Variants in CDADC1 observed in about 807,000 individuals in gnomAD.
CDADC1 encodes dCTP deaminase.
A neutral mutation model predicts 54.9 loss-of-function variants in CDADC1; 39 were observed. The observed-to-expected ratio is 0.71, with a 90% CI of 0.55 to 0.93. The LOEUF (loss-of-function observed/expected upper bound fraction) is 0.93, where lower values mean the gene tolerates loss of function less well. Among genes scored for constraint, CDADC1 ranks in the 40% least tolerant of loss-of-function variants. CDADC1 has a pLI of 0.00. For missense variants in CDADC1, 518 were observed against 618.8 expected (o/e 0.84, Z 1.73); for synonymous variants, 186 against 204.0 (o/e 0.91, Z 0.75).
chr13:49,272,000 T>G (rs887046500), intron 5 of CDADC1, among the ~76,000 whole-genome samples: 7 of 152,232 alleles, frequency 4.6e-5, no homozygotes, highest in African/African-American at 1.7e-4. Flanking sequence ...GTAAAGAATA[T>G]TCTCTTGATG....
chr13:49,275,635 T>A, intron 6 of CDADC1, among the ~76,000 whole-genome samples: 1 of 145,004 alleles, frequency 6.9e-6, no homozygotes, highest in African/African-American at 2.6e-5. Context: ...AGCACAGCAC[T>A]AACCAGTAGA....
intron 6 of CDADC1, among the ~76,000 whole-genome samples, chr13:49,277,592 TATC>T (rs1271379199): frequency 2.0e-5 from 3 of 152,300 alleles, no homozygotes; most frequent in South Asian, 2.1e-4. Flanking sequence ...CTGTTGATAT[TATC>T]ATGAGTAATT....
chr13:49,255,748 C>T, intron 2 of CDADC1, 91 bp from the exon 3 acceptor site: 1 of 1,521,810 alleles, frequency 6.6e-7, no homozygotes, highest in Non-Finnish European at 8.9e-7. Context: ...TGGTCAAAGC[C>T]AAGGAAGCCA....
intron 9 of CDADC1, among the ~76,000 whole-genome samples, chr13:49,291,289 T>A (rs573500291): frequency 6.6e-6 from 1 of 150,618 alleles, no homozygotes; most frequent in Non-Finnish European, 1.5e-5. Flanking sequence ...CACCTCAGGC[T>A]CCTGAGTAGC....
chr13:49,275,388 A>G (rs1234451790), intron 6 of CDADC1, among the ~76,000 whole-genome samples: 2 of 151,578 alleles, frequency 1.3e-5, no homozygotes, highest in East Asian at 3.9e-4. Context: ...GCCTGCCCTG[A>G]ATATTCTTAA....
At chr13:49,271,234 G>A (rs1364564959) in intron 5 of CDADC1, among the ~76,000 whole-genome samples, 3 of 95,366 alleles carry the variant, frequency 3.1e-5, no homozygotes, top group African/African-American at 4.0e-5. Flanking sequence ...TAGAATACCC[G>A]AAGGTAGCAA....
chr13:49,271,746 C>T (rs960196800), intron 5 of CDADC1, among the ~76,000 whole-genome samples: 1 of 152,066 alleles, frequency 6.6e-6, no homozygotes, highest in Non-Finnish European at 1.5e-5. Context: ...AAAAGTTCCC[C>T]TCTGATTTTC....
intron 6 of CDADC1, among the ~76,000 whole-genome samples, chr13:49,276,139 A>G (rs1474581719): frequency 1.3e-5 from 2 of 152,224 alleles, no homozygotes; most frequent in Non-Finnish European, 2.9e-5. Context: ...TCAATAAAAA[A>G]TTATTGATGA....
At chr13:49,273,268 T>C (rs1449992646) in intron 5 of CDADC1, among the ~76,000 whole-genome samples, 4 of 152,164 alleles carry the variant, frequency 2.6e-5, no homozygotes, top group Non-Finnish European at 5.9e-5. Flanking sequence ...TAGGAAATTG[T>C]AGGGTGAAAC....
rs138682308 is a variant in CDADC1 at position 49,280,509 on chromosome 13, G to T, written c.1221G>T (p.Arg407Ser). 1.8e-5 allele frequency: 25 copies of T among 1,383,174 alleles called. No individual in the cohort carries two copies. The highest frequency in any genetic ancestry group is 2.3e-5 in the Non-Finnish European group (24 of 1,051,622). The allele number at this position is 1,383,174 out of a possible 1,614,324, so 85.7% of individuals were successfully genotyped here. ...IHAEQNALTFRCQEIKPEERS... is the reference protein window; with the variant it reads ...IHAEQNALTFSCQEIKPEERS... ...TGATATTTTATAATTTTTTTTGTAG[G>T]TGTCAAGAAATAAAACCAGAAGAAA... Residue 407 changes from arginine (R) to serine (S), a missense_variant and splice_region_variant, in exon 8 of 10, where the codon AGG becomes AGT. Arg to Ser is a moderately radical substitution (Grantham distance 110). Coordinates refer to ENST00000251108, the MANE Select transcript of CDADC1 (RefSeq NM_030911.4).
chr13:49,259,577 G>C, intron 4 of CDADC1, 54 bp downstream of exon 4: 1 of 1,551,170 alleles, frequency 6.4e-7, no homozygotes, highest in Non-Finnish European at 8.8e-7. Context: ...TGGGATGGGC[G>C]TGGTGGTTTA....
At chr13:49,283,186 CAT>C (rs1259356005) in intron 8 of CDADC1, among the ~76,000 whole-genome samples, 1 of 25,906 alleles carries the variant, frequency 3.9e-5, no homozygotes, top group East Asian at 6.5e-4. Flanking sequence ...GGACATATAA[CAT>C]ATAATTATAT....
At chr13:49,284,786 C>T (rs1301925364) in intron 8 of CDADC1, among the ~76,000 whole-genome samples, 1 of 152,192 alleles carries the variant, frequency 6.6e-6, no homozygotes. Flanking sequence ...GTGATGTTAA[C>T]TAGTTAATCT....
chr13:49,281,707 C>T (rs375661878), intron 8 of CDADC1, among the ~76,000 whole-genome samples: 11 of 152,132 alleles, frequency 7.2e-5, no homozygotes, highest in African/African-American at 2.4e-4. Context: ...AAAGGTCACC[C>T]CCACCCCCAA....
At position 49,255,904 on chromosome 13, in the gene CDADC1, CAA is replaced by C; in HGVS notation, c.246_247del (p.Arg83ThrfsTer22). 1 of 1,610,696 alleles carries C rather than the reference CAA, an allele frequency of 6.2e-7. No homozygotes were observed. The highest frequency in any genetic ancestry group is 8.5e-7 in the Non-Finnish European group (1 of 1,178,980). On this transcript the variant is annotated frameshift_variant, in exon 3 of 10. Coordinates refer to ENST00000251108, the MANE Select transcript of CDADC1 (RefSeq NM_030911.4). LOFTEE classifies it high-confidence loss of function. ...NEERTRVSTDKRQVKRTGLVV... is the reference protein window; with the variant it reads ...NEERTRVSTDXRQVKRTGLVV... The stretch of plus-strand genomic sequence containing the variant: ...AAGAGAGGACCAGAGTATCTACTGA[CAA>C]AAGACAGGTAAATTTTTATGATTTC...
intron 8 of CDADC1, among the ~76,000 whole-genome samples, chr13:49,281,597 C>T (rs769233165): frequency 2.4e-4 from 37 of 152,118 alleles, no homozygotes; most frequent in Non-Finnish European, 5.0e-4. Flanking sequence ...CGGTAATGCT[C>T]GCTCGCCTGC....
At chr13:49,264,555 CAA>C (rs140774111) in intron 4 of CDADC1, among the ~76,000 whole-genome samples, 3 of 103,868 alleles carry the variant, frequency 2.9e-5, no homozygotes, top group East Asian at 2.8e-4. Context: ...CCATCTCTAC[CAA>C]AAAAAAAAAA....
At chr13:49,255,946 A>C in intron 3 of CDADC1, 33 bp downstream of exon 3, 4 of 1,594,580 alleles carry the variant, frequency 2.5e-6, no homozygotes, top group Non-Finnish European at 2.6e-6. Flanking sequence ...ATATATGCTC[A>C]TAATAACAAA....
chr13:49,273,313 G>A (rs548508474), intron 5 of CDADC1, among the ~76,000 whole-genome samples: 2 of 152,138 alleles, frequency 1.3e-5, no homozygotes, highest in African/African-American at 2.4e-5. Flanking sequence ...AAATGAAAAT[G>A]CCTTAGGGTA....
Sources: allele counts gnomAD v4.1 joint callset (sites outside exome capture counted in the v4.1 genomes callset), GRCh38; gene constraint gnomAD v4.1.1; transcripts MANE v1.5; gene names NCBI Gene and HGNC (gene_info 2026-07-23, HGNC 2026-07-21).